The following COG5 variants were observed in gnomAD, a reference collection of about 807,000 sequenced individuals.
COG5 encodes the protein conserved oligomeric Golgi complex subunit 5.
COG5 carries 86 observed loss-of-function variants against 110.4 expected under a neutral mutation model. That is an observed-to-expected ratio of 0.78 (90% CI 0.65 to 0.93). The LOEUF (loss-of-function observed/expected upper bound fraction) is 0.93, where lower values mean the gene tolerates loss of function less well. COG5 is among the 40% of genes least tolerant of loss of function. The probability of loss-of-function intolerance (pLI) is 0.00; values close to 1 mark genes in which losing one functional copy is unlikely to be tolerated. For missense variants in COG5, 1,077 were observed against 987.0 expected (o/e 1.09, Z -1.22); for synonymous variants, 360 against 334.6 (o/e 1.08, Z -0.83).
At chr7:107,215,119 T>G (rs564986680) in intron 19 of COG5, among the ~76,000 whole-genome samples, 5 of 152,186 alleles carry the variant, frequency 3.3e-5, no homozygotes, top group South Asian at 4.2e-4. Context: ...TTTGGAAGCC[T>G]CATGGTAAGT....
At chr7:107,523,580 C>T (rs374756591) in intron 6 of COG5, among the ~76,000 whole-genome samples, 7 of 151,790 alleles carry the variant, frequency 4.6e-5, no homozygotes, top group African/African-American at 9.7e-5. Context: ...TTTGGGAGGC[C>T]GAGAAGGGTG....
At chr7:107,315,756 C>A (rs1672301760) in intron 11 of COG5, among the ~76,000 whole-genome samples, 1 of 152,008 alleles carries the variant, frequency 6.6e-6, no homozygotes, top group African/African-American at 2.4e-5. Context: ...CTAAGAAGTA[C>A]TACAGTACAC....
At chr7:107,300,081 C>T (rs760401929) in intron 11 of COG5, among the ~76,000 whole-genome samples, 4 of 151,420 alleles carry the variant, frequency 2.6e-5, no homozygotes, top group African/African-American at 7.3e-5. Context: ...AAAGAAAAAG[C>T]GTATGCTCCT....
At chr7:107,320,946 C>A (rs1049291342) in intron 11 of COG5, among the ~76,000 whole-genome samples, 1 of 152,126 alleles carries the variant, frequency 6.6e-6, no homozygotes, top group African/African-American at 2.4e-5. Context: ...TCTTCTACAC[C>A]CCCACCTCCC....
chr7:107,494,285 C>T (rs1798139168), intron 6 of COG5, among the ~76,000 whole-genome samples: 1 of 152,112 alleles, frequency 6.6e-6, no homozygotes. Context: ...CCACTAATGG[C>T]AGAGTGAACT....
At chr7:107,437,669 T>C (rs1794449816) in intron 6 of COG5, among the ~76,000 whole-genome samples, 1 of 152,202 alleles carries the variant, frequency 6.6e-6, no homozygotes, top group African/African-American at 2.4e-5. Flanking sequence ...AATTTATATA[T>C]ATTTAGATGC....
intron 11 of COG5, among the ~76,000 whole-genome samples, chr7:107,323,970 T>C (rs1316556659): frequency 1.3e-5 from 2 of 152,200 alleles, no homozygotes; most frequent in Non-Finnish European, 2.9e-5. Context: ...TTGTGGAACA[T>C]ATTTGAATGA....
At chr7:107,391,446 A>G (rs891595667) in intron 7 of COG5, among the ~76,000 whole-genome samples, 1 of 152,094 alleles carries the variant, frequency 6.6e-6, no homozygotes, top group Admixed American at 6.6e-5. Context: ...TTTTCACTCT[A>G]TTGAATATTT....
intron 11 of COG5, among the ~76,000 whole-genome samples, chr7:107,310,924 T>C (rs78610616): frequency 0.16 from 23,210 of 147,522 alleles, 2,208 homozygotes; most frequent in Non-Finnish European, 0.22. Flanking sequence ...AGCACATATG[T>C]AAAAAAAAAA....
chr7:107,205,106 C>T (rs770412499), intron 21 of COG5, among the ~76,000 whole-genome samples: 2 of 152,178 alleles, frequency 1.3e-5, no homozygotes, highest in African/African-American at 4.8e-5. Context: ...GGTGAGCATC[C>T]TACTGCTGTT....
rs753320295 is a variant in COG5, at chr7:107,281,368, G to A, written c.1507C>T (p.Leu503Phe). Residue 503 changes from leucine (L) to phenylalanine (F), a missense_variant, in exon 14 of 22, where the codon CTC becomes TTC. Physicochemically the swap from Leu to Phe is conservative, Grantham distance 22. Coordinates refer to ENST00000297135, the MANE Select transcript of COG5 (RefSeq NM_006348.5). ...ELNVAAVDTN[L>F]TLAVSKNVAK... ...ACATTTTTTGACACAGCTAATGTGAGGTTTGTATCAACAGCAGCAACATTT... is the reference window on the plus strand; with the variant it reads ...ACATTTTTTGACACAGCTAATGTGAAGTTTGTATCAACAGCAGCAACATTT... The A allele has an allele frequency of 1.2e-6, 2 of 1,613,384 alleles. No homozygotes were observed. Among genetic ancestry groups the A allele is most frequent in the South Asian group, 1.1e-5 (1 of 91,066 alleles).
Position 107,298,281 on chromosome 7 carries a change from A to C in COG5, c.1174T>G (p.Leu392Val). Residue 392 changes from leucine (L) to valine (V), a missense_variant, in exon 12 of 22, where the codon TTA becomes GTA. Transcript: ENST00000297135. ...YPKLLRLYND[L>V]WKRLQQYSQH... The stretch of plus-strand genomic sequence containing the variant: ...CTGTATTGTTGAAGACGCTTCCATA[A>C]GTCATTATAAAGACGTAATAATTTA... 1 of 1,613,704 alleles carries C rather than the reference A, an allele frequency of 6.2e-7. No homozygotes were observed. The highest frequency in any genetic ancestry group is 8.5e-7 in the Non-Finnish European group (1 of 1,179,768).
chr7:107,495,290 T>C (rs887228899), intron 6 of COG5, among the ~76,000 whole-genome samples: 3 of 152,268 alleles, frequency 2.0e-5, no homozygotes, highest in African/African-American at 7.2e-5. Context: ...TGGCGATAGC[T>C]AACTACACAG....
chr7:107,537,814 G>C (rs1801703832), intron 5 of COG5, among the ~76,000 whole-genome samples: 1 of 151,298 alleles, frequency 6.6e-6, no homozygotes, highest in African/African-American at 2.4e-5. Context: ...TACATAAATG[G>C]CCAAAAGGCA....
At chr7:107,510,128 T>C (rs1043433577) in intron 6 of COG5, among the ~76,000 whole-genome samples, 5 of 151,830 alleles carry the variant, frequency 3.3e-5, no homozygotes, top group Non-Finnish European at 7.4e-5. Context: ...TCAAGACCCA[T>C]CAGTGTGCTG....
intron 7 of COG5, among the ~76,000 whole-genome samples, chr7:107,398,510 C>T (rs1791177668): frequency 6.6e-6 from 1 of 152,130 alleles, no homozygotes; most frequent in South Asian, 2.1e-4. Flanking sequence ...GTTGTGTGCT[C>T]CTTATGAGAA....
At chr7:107,538,044 T>C (rs960741306) in intron 5 of COG5, among the ~76,000 whole-genome samples, 1 of 152,052 alleles carries the variant, frequency 6.6e-6, no homozygotes, top group Non-Finnish European at 1.5e-5. Flanking sequence ...GCTACAGACA[T>C]AGATAAGCAA....
chr7:107,305,838 G>C (rs1807667812), intron 11 of COG5, among the ~76,000 whole-genome samples: 1 of 151,948 alleles, frequency 6.6e-6, no homozygotes, highest in Non-Finnish European at 1.5e-5. Flanking sequence ...GCAATAGAGA[G>C]ACCGCCTGAG....
At chr7:107,530,615 A>AAAC (rs1801132912) in intron 5 of COG5, among the ~76,000 whole-genome samples, 6 of 151,208 alleles carry the variant, frequency 4.0e-5, no homozygotes, top group Admixed American at 2.0e-4. Flanking sequence ...AAAAAAAAAA[A>AAAC]AAAAAAAAAA....
Sources: allele counts gnomAD v4.1 joint callset (sites outside exome capture counted in the v4.1 genomes callset), GRCh38; gene constraint gnomAD v4.1.1; transcripts MANE v1.5; gene names NCBI Gene and HGNC (gene_info 2026-07-23, HGNC 2026-07-21).